The following SWT1 variants were observed in gnomAD, a reference collection of about 807,000 sequenced individuals.
The protein encoded by SWT1 is transcriptional protein SWT1.
Under a neutral mutation model 107.3 loss-of-function variants are expected in SWT1, and 33 were observed. The observed-to-expected ratio is 0.31, with a 90% CI of 0.23 to 0.41. SWT1 has a LOEUF of 0.41. Among genes scored for constraint, SWT1 ranks in the 10% least tolerant of loss-of-function variants. The pLI is 1.00. For synonymous variants in SWT1, 345 were observed against 348.3 expected (o/e 0.99, Z 0.11); for missense variants, 898 against 1,028.9 (o/e 0.87, Z 1.74).
At chr1:185,283,442 C>T (rs534549924) in intron 18 of SWT1, among the ~76,000 whole-genome samples, 2 of 152,284 alleles carry the variant, frequency 1.3e-5, no homozygotes, top group Non-Finnish European at 1.5e-5. Context: ...TGTGCAGTAT[C>T]TTCTATCTTT....
At chr1:185,210,135 C>G (rs999524998) in intron 13 of SWT1, among the ~76,000 whole-genome samples, 2 of 151,996 alleles carry the variant, frequency 1.3e-5, no homozygotes, top group African/African-American at 4.8e-5. Context: ...TTTGTCAGAT[C>G]GATAGATTGC....
At chr1:185,231,995 CT>C (rs1660541274) in intron 16 of SWT1, among the ~76,000 whole-genome samples, 2 of 152,026 alleles carry the variant, frequency 1.3e-5, no homozygotes, top group Non-Finnish European at 2.9e-5. Flanking sequence ...GTTGATTTTG[CT>C]ATGTTCAAGT....
At chr1:185,183,007 C>T (rs1230129965) in intron 7 of SWT1, among the ~76,000 whole-genome samples, 3 of 150,772 alleles carry the variant, frequency 2.0e-5, no homozygotes. Flanking sequence ...CATGGTGGCC[C>T]ATGCCTGTAT....
At chr1:185,234,729 G>C (rs1660740312) in intron 16 of SWT1, among the ~76,000 whole-genome samples, 1 of 152,074 alleles carries the variant, frequency 6.6e-6, no homozygotes, top group Non-Finnish European at 1.5e-5. Context: ...CGTACAATTT[G>C]GTATGTTTTT....
At chr1:185,169,262 C>T (rs1446668547) in intron 4 of SWT1, among the ~76,000 whole-genome samples, 3 of 150,202 alleles carry the variant, frequency 2.0e-5, no homozygotes, top group Admixed American at 6.6e-5. Context: ...CATTTTAATG[C>T]CTTTTACACT....
At chr1:185,257,070 G>A (rs547186719) in intron 16 of SWT1, among the ~76,000 whole-genome samples, 1 of 152,086 alleles carries the variant, frequency 6.6e-6, no homozygotes, top group African/African-American at 2.4e-5. Flanking sequence ...CCTGCTGGGG[G>A]GTGCCTCCCA....
At chr1:185,171,645 T>A in intron 4 of SWT1, 1 of 528,092 alleles carries the variant, frequency 1.9e-6, no homozygotes, top group East Asian at 4.9e-5. Flanking sequence ...CAATCAAGAG[T>A]GAACTTCAGA....
chr1:185,276,270 C>A (rs1175323637), intron 17 of SWT1, among the ~76,000 whole-genome samples: 1 of 152,104 alleles, frequency 6.6e-6, no homozygotes, highest in African/African-American at 2.4e-5. Context: ...CAGAAAATGT[C>A]TGTAAATCAA....
intron 5 of SWT1, among the ~76,000 whole-genome samples, chr1:185,178,192 A>G (rs971338005): frequency 3.3e-5 from 5 of 152,170 alleles, no homozygotes; most frequent in African/African-American, 9.6e-5. Flanking sequence ...CTGTCCAGCT[A>G]GGGTAGAGGG....
At position 185,168,332 on chromosome 1, in the gene SWT1, T is replaced by TA. The variant is rs59365489; in HGVS notation, c.166-7dup. Reference sequence around the variant, plus strand: ...ACAATTTATGTGTCCTTTTTTTATTTATTTCAGAAATCAGATCATACAGAT... The same window carrying TA: ...ACAATTTATGTGTCCTTTTTTTATTTAATTTCAGAAATCAGATCATACAGAT... On this transcript the variant is annotated splice_polypyrimidine_tract_variant and splice_region_variant and intron_variant, in intron 3 of 18. Transcript: ENST00000367500. 2.4e-6 allele frequency: 3 copies of TA among 1,263,854 alleles called. 1 individual carries two copies. The highest frequency in any genetic ancestry group is 3.3e-5 in the African/African-American group (2 of 61,492). The allele number at this position is 1,263,854 out of a possible 1,614,324, so 78.3% of individuals were successfully genotyped here.
At chr1:185,273,298 G>A (rs1312614896) in intron 17 of SWT1, among the ~76,000 whole-genome samples, 3 of 152,000 alleles carry the variant, frequency 2.0e-5, no homozygotes, top group Admixed American at 1.3e-4. Context: ...CCAGCTACTC[G>A]TAAGGCTGAG....
At chr1:185,202,528 T>C (rs1657968044) in intron 10 of SWT1, 126 bp from the exon 11 acceptor site, 1 of 664,800 alleles carries the variant, frequency 1.5e-6, no homozygotes, top group Non-Finnish European at 2.4e-6. Flanking sequence ...AAAAAGTTGT[T>C]ATTCTTTCTT....
At chr1:185,265,735 C>T (rs759559189) in intron 16 of SWT1, among the ~76,000 whole-genome samples, 1 of 152,142 alleles carries the variant, frequency 6.6e-6, no homozygotes, top group Non-Finnish European at 1.5e-5. Context: ...AGCATTTATT[C>T]AGTCCCTTGT....
At chr1:185,235,843 A>G (rs1036881193) in intron 16 of SWT1, among the ~76,000 whole-genome samples, 31 of 152,340 alleles carry the variant, frequency 2.0e-4, no homozygotes, top group Admixed American at 4.6e-4. Flanking sequence ...CTGATAAGCA[A>G]CTTCAGCAAA....
At chr1:185,180,186 A>T (rs1049418867) in intron 5 of SWT1, among the ~76,000 whole-genome samples, 1 of 151,868 alleles carries the variant, frequency 6.6e-6, no homozygotes, top group Admixed American at 6.6e-5. Flanking sequence ...CCTGTCTTTA[A>T]AAAAAAAGTT....
chr1:185,211,715 C>G (rs944479155), intron 13 of SWT1, among the ~76,000 whole-genome samples: 6 of 152,150 alleles, frequency 3.9e-5, no homozygotes, highest in Non-Finnish European at 7.3e-5. Flanking sequence ...GGTATATAAC[C>G]AAAGGACTAT....
intron 16 of SWT1, among the ~76,000 whole-genome samples, chr1:185,265,050 A>G (rs976250062): frequency 2.0e-5 from 3 of 152,180 alleles, no homozygotes; most frequent in African/African-American, 7.2e-5. Context: ...CCACCAACTT[A>G]AAAAATAAAA....
chr1:185,210,057 C>T (rs1334167282), intron 13 of SWT1, among the ~76,000 whole-genome samples: 1 of 152,146 alleles, frequency 6.6e-6, no homozygotes, highest in Non-Finnish European at 1.5e-5. Context: ...CCCTCGCCCA[C>T]TTTTTGATGG....
intron 1 of SWT1, among the ~76,000 whole-genome samples, chr1:185,158,467 TA>T (rs1653837441): frequency 6.6e-6 from 1 of 152,016 alleles, no homozygotes; most frequent in Non-Finnish European, 1.5e-5. Flanking sequence ...ACAGAAATGC[TA>T]ACTATATCTG....
Sources: allele counts gnomAD v4.1 joint callset (sites outside exome capture counted in the v4.1 genomes callset), GRCh38; gene constraint gnomAD v4.1.1; transcripts MANE v1.5; gene names NCBI Gene and HGNC (gene_info 2026-07-23, HGNC 2026-07-21).